ALLC: variants seen among roughly 807,000 people sequenced by gnomAD.
The protein encoded by ALLC is allantoicase.
A neutral mutation model predicts 45.0 loss-of-function variants in ALLC; 40 were observed. That is an observed-to-expected ratio of 0.89 (90% confidence interval 0.69 to 1.16). The LOEUF is 1.16. ALLC is among the 50% of genes most tolerant of loss of function. ALLC has a pLI of 0.00. For synonymous variants in ALLC, 176 were observed against 178.1 expected (o/e 0.99, Z 0.09); for missense variants, 488 against 493.1 (o/e 0.99, Z 0.10).
chr2:3,649,346 A>G, the ALLC span, among the ~76,000 whole-genome samples: 1 of 149,352 alleles, frequency 6.7e-6, no homozygotes. Flanking sequence ...GGTTCACGCC[A>G]TTCTCCTGCC....
At chr2:3,685,429 G>A (rs1008184842) in intron 7 of ALLC, among the ~76,000 whole-genome samples, 4 of 146,376 alleles carry the variant, frequency 2.7e-5, no homozygotes, top group South Asian at 2.1e-4. Flanking sequence ...CAGCAGGATC[G>A]AGAGAGAGAG....
rs547948314 is a variant in ALLC at position 3,664,877 on chromosome 2, C to T, written c.-62-6219C>T. Among the ~76,000 whole-genome samples the T allele has an allele frequency of 1.4e-3, 203 of 149,474 alleles. 1 individual carries two copies. Among genetic ancestry groups the T allele is most frequent in the African/African-American group, 4.3e-3 (172 of 39,882 alleles). ...CCAACCTGGGCAACAAAGAAAGACTCTGTCTCCAAAAAAAAAAACAAAACC... is the reference window on the plus strand; with the variant it reads ...CCAACCTGGGCAACAAAGAAAGACTTTGTCTCCAAAAAAAAAAACAAAACC... On this transcript the variant is annotated intron_variant, in intron 1 of 11. Transcript: ENST00000252505.
At chr2:3,663,939 C>T (rs1229344185) in intron 1 of ALLC, among the ~76,000 whole-genome samples, 5 of 152,194 alleles carry the variant, frequency 3.3e-5, no homozygotes, top group South Asian at 2.1e-4. Context: ...AAATGTGGCT[C>T]ATATGACTGA....
chr2:3,674,844 G>C (rs1055147965), intron 3 of ALLC, among the ~76,000 whole-genome samples: 1 of 152,152 alleles, frequency 6.6e-6, no homozygotes, highest in East Asian at 1.9e-4. Flanking sequence ...ACTTTTTCTA[G>C]GTCACACAGT....
At chr2:3,651,352 T>G in the ALLC span, among the ~76,000 whole-genome samples, 1 of 2,316 alleles carries the variant, frequency 4.3e-4, no homozygotes, top group Non-Finnish European at 1.1e-3. Flanking sequence ...TGTGTGTGTG[T>G]GTGTGTGTGT....
rs763240617 is a variant in ALLC, at chr2:3,695,788, C to A, written c.583C>A (p.Pro195Thr). The A allele has an allele frequency of 9.3e-6, 15 of 1,614,022 alleles. No homozygotes were observed. Among genetic ancestry groups the A allele is most frequent in the Non-Finnish European group, 1.3e-5 (15 of 1,179,902 alleles). The change falls in exon 8 of 12, where the codon CCT (proline) becomes ACT (threonine). Residue 195 changes from proline to threonine, a missense_variant. Pro to Thr is a conservative substitution (Grantham distance 38). Coordinates refer to ENST00000252505, the MANE Select transcript of ALLC (RefSeq NM_018436.4). ...KDWTATDPKE[P>T]ADLVAIAFGG... is the part of the protein sequence containing the mutation. ...CTGGACTGCAACTGACCCCAAAGAACCTGCAGACCTAGTGGCCATCGCTTT... is the reference window on the plus strand; with the variant it reads ...CTGGACTGCAACTGACCCCAAAGAAACTGCAGACCTAGTGGCCATCGCTTT...
intron 7 of ALLC, among the ~76,000 whole-genome samples, chr2:3,690,646 GA>G (rs1254051043): frequency 4.0e-5 from 6 of 149,508 alleles, no homozygotes; most frequent in Admixed American, 2.0e-4. Context: ...AGATCACAAA[GA>G]AAAAAATAGA....
chr2:3,651,710 C>T, the ALLC span, among the ~76,000 whole-genome samples: 1 of 152,002 alleles, frequency 6.6e-6, no homozygotes, highest in Non-Finnish European at 1.5e-5. Flanking sequence ...CCATGCGGAG[C>T]TCCATCGGCC....
chr2:3,674,163 T>G, intron 3 of ALLC, 38 bp downstream of exon 3: 1 of 1,444,952 alleles, frequency 6.9e-7, no homozygotes, highest in East Asian at 2.4e-5. Flanking sequence ...AAAGGGTTGA[T>G]GTAGAGAAAT....
At chr2:3,684,121 C>A (rs1417891155) in intron 7 of ALLC, among the ~76,000 whole-genome samples, 1 of 152,170 alleles carries the variant, frequency 6.6e-6, no homozygotes, top group African/African-American at 2.4e-5. Context: ...ACTGGACTTT[C>A]TGGGTCATAT....
In ALLC at chr2:3,688,209, G is replaced by A. The variant is rs918858467; in HGVS notation, c.511+5135G>A. 18 of 170,472 alleles carry A rather than the reference G, an allele frequency of 1.1e-4. 2 individuals carry two copies. Among genetic ancestry groups the A allele is most frequent in the East Asian group, 3.7e-4 (2 of 5,352 alleles). The allele number at this position is 170,472 out of a possible 1,614,324, so 10.6% of individuals were successfully genotyped here. A position where few individuals can be genotyped will look rare whatever the true frequency, so the allele number is the denominator to read the frequency against. ...GGGGCCCTCCAATGCCTGCTTCACC[G>A]CCTTTTTGATGGTGTCATATTTGTC... On this transcript the variant is annotated intron_variant, in intron 7 of 11. Transcript: ENST00000252505.
chr2:3,702,192 T>A (rs573072283), intron 11 of ALLC, among the ~76,000 whole-genome samples, 171 bp from the exon 12 acceptor site: 10 of 152,336 alleles, frequency 6.6e-5, no homozygotes, highest in African/African-American at 2.2e-4. Flanking sequence ...TATTTGGGCA[T>A]CCTATCCCTA....
At chr2:3,700,800 A>T (rs1667807353) in intron 10 of ALLC, among the ~76,000 whole-genome samples, 1 of 152,120 alleles carries the variant, frequency 6.6e-6, no homozygotes. Context: ...GTTTTAAGAG[A>T]TGGGCCACAA....
the ALLC span, among the ~76,000 whole-genome samples, chr2:3,651,450 G>A: frequency 9.7e-6 from 1 of 102,658 alleles, no homozygotes; most frequent in African/African-American, 3.3e-5. Context: ...TGTTAGGAAG[G>A]GAGACGAGTT....
rs777461531 is a variant in ALLC at position 3,673,929 on chromosome 2, A to G, written c.34-146A>G. On this transcript the variant is annotated intron_variant, in intron 2 of 11. Transcript: ENST00000252505. ...TGAAATGGAAGCATTTCAAGGCATC[A>G]TGGCTTAACTGCAGATTCTGTCGCT... 71 of 629,262 alleles carry G rather than the reference A, an allele frequency of 1.1e-4. 1 individual carries two copies. Among genetic ancestry groups the G allele is most frequent in the Non-Finnish European group, 1.7e-4 (62 of 357,000 alleles). The allele number at this position is 629,262 out of a possible 1,614,324, so 39.0% of individuals were successfully genotyped here. A position where few individuals can be genotyped will look rare whatever the true frequency, so the allele number is the denominator to read the frequency against.
At chr2:3,649,852 CAG>C in the ALLC span, among the ~76,000 whole-genome samples, 2 of 152,252 alleles carry the variant, frequency 1.3e-5, no homozygotes, top group Non-Finnish European at 2.9e-5. Context: ...GGAGAACAAA[CAG>C]ACGCCACAGA....
At chr2:3,694,365 A>G (rs549989427) in intron 7 of ALLC, among the ~76,000 whole-genome samples, 1 of 152,298 alleles carries the variant, frequency 6.6e-6, no homozygotes, top group African/African-American at 2.4e-5. Context: ...GTGTAAAGGG[A>G]AAGGAAGCTG....
chr2:3,662,435 G>T (rs913393099), intron 1 of ALLC, among the ~76,000 whole-genome samples: 19 of 152,182 alleles, frequency 1.2e-4, no homozygotes, highest in South Asian at 6.2e-4. Flanking sequence ...AAGTGTTTAC[G>T]CCAAGGCCCT....
At chr2:3,649,955 A>G in the ALLC span, among the ~76,000 whole-genome samples, 1 of 152,226 alleles carries the variant, frequency 6.6e-6, no homozygotes, top group Admixed American at 6.5e-5. Context: ...TGCTGCCCGT[A>G]GCTTCCCCAG....
Sources: gnomAD v4.1 joint callset for allele counts (sites outside exome capture counted in the v4.1 genomes callset) on GRCh38, gnomAD v4.1.1 for gene constraint, MANE v1.5 for transcripts, NCBI Gene and HGNC (gene_info 2026-07-23, HGNC 2026-07-21) for gene names.